Variants in PATJ observed in about 807,000 individuals in gnomAD.
PATJ encodes inaD-like protein.
In PATJ, 190 loss-of-function variants were observed where a neutral mutation model predicts 224.9. That is an observed-to-expected ratio of 0.84 (90% CI 0.75 to 0.95). The LOEUF (loss-of-function observed/expected upper bound fraction) is 0.95. Among genes scored for constraint, PATJ ranks in the 40% least tolerant of loss-of-function variants. PATJ has a pLI of 0.00. For missense variants in PATJ, 2,121 were observed against 2,270.3 expected, an observed-to-expected ratio of 0.93 and a Z score of 1.34; for synonymous variants, 769 against 820.3, an observed-to-expected ratio of 0.94 and a Z score of 1.07.
chr1:61,775,992 AATG>A (rs1263175178), intron 7 of PATJ, among the ~76,000 whole-genome samples: 6 of 152,384 alleles, frequency 3.9e-5, no homozygotes, highest in African/African-American at 1.2e-4. Context: ...CCATAATCAG[AATG>A]ATATGTAAAA....
chr1:61,892,952 C>T (rs1354068706), intron 22 of PATJ, among the ~76,000 whole-genome samples: 2 of 152,106 alleles, frequency 1.3e-5, no homozygotes, highest in Non-Finnish European at 2.9e-5. Flanking sequence ...TACTTAGTGA[C>T]AGTGCAAATT....
chr1:61,828,546 CA>C (rs1176183508), intron 16 of PATJ, among the ~76,000 whole-genome samples: 4 of 151,876 alleles, frequency 2.6e-5, no homozygotes, highest in Non-Finnish European at 5.9e-5. Flanking sequence ...CATGCCACCA[CA>C]CCCAGCTAAC....
intron 28 of PATJ, among the ~76,000 whole-genome samples, chr1:61,997,782 G>A (rs928685310): frequency 3.0e-5 from 4 of 131,816 alleles, no homozygotes; most frequent in Non-Finnish European, 1.6e-5. Flanking sequence ...TTATGTGTGC[G>A]GTTTTTTGTT....
chr1:62,002,741 G>T (rs1174009039), intron 28 of PATJ, among the ~76,000 whole-genome samples: 1 of 149,372 alleles, frequency 6.7e-6, no homozygotes, highest in Admixed American at 6.6e-5. Context: ...AAAAGAGAGA[G>T]AGAAACTGGA....
chr1:62,017,844 T>C lies in PATJ; in HGVS notation c.3868-12T>C. On this transcript the variant is annotated splice_polypyrimidine_tract_variant and intron_variant, in intron 28 of 43. Coordinates refer to ENST00000642238, the MANE Select transcript of PATJ (RefSeq NM_001350145.3). Reference sequence around the variant, plus strand: ...ATGTATAATTTAGTACATTGTGGTTTTTCCCAAACAGATAAACAATCAGAT... The same window carrying C: ...ATGTATAATTTAGTACATTGTGGTTCTTCCCAAACAGATAAACAATCAGAT... 2.0e-6 allele frequency: 3 copies of C among 1,534,108 alleles called. No individual in the cohort carries two copies.
Position 61,972,668 on chromosome 1 carries a change from C to T in PATJ, c.3671-17500C>T, listed in dbSNP as rs1683144915. On this transcript the variant is annotated intron_variant, in intron 27 of 43. Transcript: ENST00000642238. ...GAAGTTTTGGCTGTGAGGGAGCAAA[C>T]TTCTGGTACATATAACTACTAGGTG... Among the ~76,000 whole-genome samples, 3 of 152,056 alleles carry T rather than the reference C, an allele frequency of 2.0e-5. No homozygotes were observed. The South Asian group carries it at 6.2e-4, about 31-fold the overall frequency.
At chr1:61,813,791 A>G (rs1274910228) in intron 14 of PATJ, among the ~76,000 whole-genome samples, 7 of 152,138 alleles carry the variant, frequency 4.6e-5, no homozygotes, top group Admixed American at 1.3e-4. Flanking sequence ...ATTTGATGAA[A>G]TGCTTTCGGA....
intron 22 of PATJ, among the ~76,000 whole-genome samples, chr1:61,886,433 T>C (rs1011964535): frequency 1.3e-5 from 2 of 152,142 alleles, no homozygotes; most frequent in African/African-American, 4.8e-5. Context: ...GCATTGAACA[T>C]TGTTAGTAGA....
chr1:62,082,791 T>G (rs1659442592), intron 32 of PATJ, among the ~76,000 whole-genome samples: 1 of 152,196 alleles, frequency 6.6e-6, no homozygotes, highest in African/African-American at 2.4e-5. Context: ...TCTTTTGATT[T>G]TTTTTCAAGC....
At chr1:61,832,882 G>A (rs767840861) in intron 16 of PATJ, among the ~76,000 whole-genome samples, 2 of 152,138 alleles carry the variant, frequency 1.3e-5, no homozygotes, top group African/African-American at 2.4e-5. Flanking sequence ...CTGCATAGTA[G>A]ATTCATTGAC....
At chr1:61,862,527 A>G (rs1348563861) in intron 19 of PATJ, among the ~76,000 whole-genome samples, 1 of 152,126 alleles carries the variant, frequency 6.6e-6, no homozygotes, top group Non-Finnish European at 1.5e-5. Context: ...CTTTCCTTCC[A>G]TATCACATTG....
At chr1:61,916,019 G>A (rs978729650) in intron 26 of PATJ, among the ~76,000 whole-genome samples, 2 of 152,040 alleles carry the variant, frequency 1.3e-5, no homozygotes, top group Non-Finnish European at 2.9e-5. Flanking sequence ...AAAAGATACT[G>A]AAATCTTGAT....
intron 27 of PATJ, among the ~76,000 whole-genome samples, chr1:61,986,134 A>G (rs1164129490): frequency 6.6e-6 from 1 of 151,898 alleles, no homozygotes; most frequent in Non-Finnish European, 1.5e-5. Context: ...TACCCTTCCT[A>G]TTCTGCCACA....
At chr1:61,751,404 A>C (rs577281356) in intron 1 of PATJ, among the ~76,000 whole-genome samples, 1 of 152,192 alleles carries the variant, frequency 6.6e-6, no homozygotes, top group Non-Finnish European at 1.5e-5. Context: ...ATTAGTGAAT[A>C]GTATGAATGC....
chr1:61,941,615 C>T (rs1677835879), intron 27 of PATJ, among the ~76,000 whole-genome samples: 1 of 152,146 alleles, frequency 6.6e-6, no homozygotes, highest in Non-Finnish European at 1.5e-5. Flanking sequence ...CATGCCACTG[C>T]ACTCCAGCCT....
intron 7 of PATJ, among the ~76,000 whole-genome samples, chr1:61,781,465 A>T (rs1357674326): frequency 6.6e-6 from 1 of 151,920 alleles, no homozygotes; most frequent in Non-Finnish European, 1.5e-5. Context: ...GCTTTCTATA[A>T]CTCATGAAAT....
At position 62,108,513 on chromosome 1, in the gene PATJ, T is replaced by C; in HGVS notation, c.4454T>C (p.Ile1485Thr). The change falls in exon 34 of 44, where the codon ATA (isoleucine) becomes ACA (threonine). Residue 1485 changes from isoleucine (I) to threonine (T), a missense_variant. Ile to Thr is a moderately conservative substitution (Grantham distance 89, BLOSUM62 -1). Transcript: ENST00000642238. The part of the protein sequence containing the change: ...RDGRLWAGDQ[I>T]LEVNGVDLRN... ...GGAAGACTTTGGGCTGGTGACCAGA[T>C]ATTAGAGGTATATGGTTTTGAATTT... 2 of 1,601,124 alleles carry C rather than the reference T, an allele frequency of 1.2e-6. No individual in the cohort carries two copies. The highest frequency in any genetic ancestry group is 1.7e-6 in the Non-Finnish European group (2 of 1,169,500).
chr1:62,016,642 G>T (rs528324902), intron 28 of PATJ, among the ~76,000 whole-genome samples: 4 of 152,260 alleles, frequency 2.6e-5, no homozygotes, highest in African/African-American at 9.6e-5. Flanking sequence ...AAGAAATTTA[G>T]AATTTAAATG....
rs144377326 is a variant in PATJ, at chr1:62,159,339, G to A, written c.5503-1569G>A. Among the ~76,000 whole-genome samples the A allele has an allele frequency of 2.6e-5, 4 of 151,946 alleles. No homozygotes were observed. In the East Asian group the frequency reaches 5.9e-4, roughly 22 times the overall value. ...CCCAAGTAGCTGGGATTACAGGCAT[G>A]CGCCATCACATCCAGCTAATTTTTG... On this transcript the variant is annotated intron_variant, in intron 43 of 43. Transcript: ENST00000642238.
Sources: gnomAD v4.1 joint callset for allele counts (sites outside exome capture counted in the v4.1 genomes callset) on GRCh38, gnomAD v4.1.1 for gene constraint, MANE v1.5 for transcripts, NCBI Gene and HGNC (gene_info 2026-07-23, HGNC 2026-07-21) for gene names.